The following SYT6 variants were observed in gnomAD, a reference collection of about 807,000 sequenced individuals.
SYT6 encodes the protein synaptotagmin-6.
SYT6 carries 24 observed loss-of-function variants against 38.4 expected under a neutral mutation model. The ratio of observed to expected loss-of-function variants is 0.62; its 90% confidence interval spans 0.45 to 0.88. The LOEUF (loss-of-function observed/expected upper bound fraction) is 0.88. SYT6 is among the 40% of genes least tolerant of loss of function. The pLI, the probability that SYT6 is intolerant of heterozygous loss-of-function variation, is 0.00. For missense variants in SYT6, 611 were observed against 621.0 expected, an observed-to-expected ratio of 0.98 and a Z score of 0.17; for synonymous variants, 265 against 241.9, an observed-to-expected ratio of 1.10 and a Z score of -0.89.
In SYT6 at chr1:114,141,474, G is replaced by A. The variant is rs186846262; in HGVS notation, c.164-1511C>T. Among the ~76,000 whole-genome samples, 36 of 152,326 alleles carry A rather than the reference G, an allele frequency of 2.4e-4. No homozygotes were observed. In the East Asian group the frequency reaches 6.0e-3, roughly 25 times the overall value. ...AAGGAGAGGAAGCTGCAGAAGAAAC[G>A]TTTGAATCTAGCAGAGGTTGGTTCT... On this transcript the variant is annotated intron_variant, in intron 1 of 7. Coordinates refer to ENST00000610222, the MANE Select transcript of SYT6 (RefSeq NM_001253772.2).
intron 3 of SYT6, among the ~76,000 whole-genome samples, chr1:114,105,205 G>A (rs190403478): frequency 2.9e-4 from 44 of 152,300 alleles, no homozygotes; most frequent in African/African-American, 9.9e-4. Context: ...TCTCTAAGGA[G>A]ATAATGACTT....
rs1571846120 is a variant in SYT6 at position 114,113,116 on chromosome 1, G to A, written c.1072-9395C>T. On this transcript the variant is annotated intron_variant, in intron 3 of 7. Coordinates refer to ENST00000610222, the MANE Select transcript of SYT6 (RefSeq NM_001253772.2). ...TCTCTTTGGGGACAGTCACCCTGAA[G>A]ATTAAGATCTTTCCCCACCTCCTGC... is the stretch of plus-strand genomic sequence containing the variant. 3.9e-5 allele frequency among the ~76,000 whole-genome samples: 6 copies of A among 152,296 alleles called. 2 individuals carry two copies. Among genetic ancestry groups the A allele is most frequent in the Admixed American group, 3.9e-4 (6 of 15,308 alleles).
intron 1 of SYT6, among the ~76,000 whole-genome samples, chr1:114,149,222 T>TGTGTGTGTGTGTGTGTGTGTGCGC (rs769842650): frequency 5.1e-5 from 6 of 118,220 alleles, no homozygotes; most frequent in South Asian, 4.6e-4. Context: ...AGAGATTGTG[T>TGTGTGTGTGTGTGTGTGTGTGCGC]GTGTGTGTGT....
chr1:114,113,457 C>T (rs1676808621), intron 3 of SYT6, among the ~76,000 whole-genome samples: 1 of 152,114 alleles, frequency 6.6e-6, no homozygotes, highest in South Asian at 2.1e-4. Flanking sequence ...CTCATATATC[C>T]AAAATGACAT....
intron 3 of SYT6, among the ~76,000 whole-genome samples, chr1:114,106,048 C>T (rs1354488534): frequency 6.6e-6 from 1 of 152,120 alleles, no homozygotes; most frequent in Non-Finnish European, 1.5e-5. Context: ...CTCCCTAGTC[C>T]CCTAGTCAAG....
chr1:114,129,838 GTTT>G (rs397949655), intron 3 of SYT6, among the ~76,000 whole-genome samples: 1 of 106,682 alleles, frequency 9.4e-6, no homozygotes, highest in Non-Finnish European at 1.8e-5. Flanking sequence ...CACCACACCT[GTTT>G]TTTTTTTTTT....
intron 3 of SYT6, among the ~76,000 whole-genome samples, chr1:114,127,790 T>G (rs1490765568): frequency 6.6e-6 from 1 of 152,196 alleles, no homozygotes; most frequent in African/African-American, 2.4e-5. Context: ...GTGAGTAGGA[T>G]GCACTGGACA....
intron 4 of SYT6, 125 bp from the exon 5 acceptor site, chr1:114,099,390 G>T (rs1406202574): frequency 1.3e-5 from 13 of 979,008 alleles, no homozygotes; most frequent in Non-Finnish European, 1.8e-5. Flanking sequence ...TCAGTGGGTT[G>T]TTAAAATAAT....
At position 114,097,782 on chromosome 1, in the gene SYT6, C is replaced by CG. The variant is rs1157804736; in HGVS notation, c.1459dup (p.Arg487ProfsTer49). On this transcript the variant is annotated frameshift_variant, in exon 6 of 8. Coordinates refer to ENST00000610222, the MANE Select transcript of SYT6 (RefSeq NM_001253772.2). LOFTEE classifies it high-confidence loss of function. ...GGAGTGCCAGTGTGCGATGGGCTTC[C>CG]GGGGGTATGCCAGCATCTCGTTCCA... 6.2e-7 allele frequency: 1 copy of CG among 1,614,150 alleles called. No homozygotes were observed. The highest frequency in any genetic ancestry group is 1.7e-5 in the Admixed American group (1 of 60,026).
At position 114,139,717 on chromosome 1, in the gene SYT6, G is replaced by A. The variant is rs1474926870; in HGVS notation, c.410C>T (p.Thr137Met). 21 of 1,614,166 alleles carry A rather than the reference G, an allele frequency of 1.3e-5. No homozygotes were observed. Among genetic ancestry groups the A allele is most frequent in the Non-Finnish European group, 1.6e-5 (19 of 1,180,030 alleles). Residue 137 changes from threonine to methionine, a missense_variant, in exon 2 of 8, where the codon ACG becomes ATG. By Grantham distance (81) the Thr-to-Met change is moderately conservative (BLOSUM62 -1). Transcript: ENST00000610222. Reference sequence around the variant, plus strand: ...CACCTCAGCTGGGATATCTGGGGACGTGTGGCTGATCTTCACGGCCGCCTC... The same window carrying A: ...CACCTCAGCTGGGATATCTGGGGACATGTGGCTGATCTTCACGGCCGCCTC... ...FLEAAVKISH[T>M]SPDIPAEVQM...
At chr1:114,115,693 G>A (rs905487219) in intron 3 of SYT6, among the ~76,000 whole-genome samples, 2 of 152,142 alleles carry the variant, frequency 1.3e-5, no homozygotes, top group Non-Finnish European at 2.9e-5. Flanking sequence ...GGGATTACAG[G>A]CATGAGCCAC....
At chr1:114,096,086 G>A (rs1057068516) in intron 6 of SYT6, among the ~76,000 whole-genome samples, 3 of 151,554 alleles carry the variant, frequency 2.0e-5, no homozygotes, top group African/African-American at 7.3e-5. Flanking sequence ...TCCAAAGGAA[G>A]ATAAGTGGGG....
intron 1 of SYT6, among the ~76,000 whole-genome samples, chr1:114,140,253 G>T (rs1678791171): frequency 1.3e-5 from 2 of 151,892 alleles, no homozygotes; most frequent in South Asian, 4.2e-4. Flanking sequence ...GAGCACCTGG[G>T]CTGTCCTCTC....
chr1:114,147,243 C>T (rs532963836), intron 1 of SYT6, among the ~76,000 whole-genome samples: 145 of 152,314 alleles, frequency 9.5e-4, no homozygotes, highest in Middle Eastern at 3.4e-3. Context: ...CTTGCTGCCT[C>T]CTCAGTTGTT....
intron 4 of SYT6, among the ~76,000 whole-genome samples, chr1:114,102,925 C>T (rs895258568): frequency 8.5e-5 from 13 of 152,184 alleles, no homozygotes; most frequent in African/African-American, 3.1e-4. Flanking sequence ...GGGAAAGACT[C>T]AAACCTCTGA....
intron 3 of SYT6, among the ~76,000 whole-genome samples, chr1:114,127,588 A>T (rs1312276214): frequency 6.6e-6 from 1 of 152,188 alleles, no homozygotes; most frequent in Non-Finnish European, 1.5e-5. Context: ...ACTATAGGAC[A>T]TGAGGTCTGA....
At chr1:114,113,735 A>G (rs1316029092) in intron 3 of SYT6, among the ~76,000 whole-genome samples, 1 of 152,110 alleles carries the variant, frequency 6.6e-6, no homozygotes, top group Non-Finnish European at 1.5e-5. Flanking sequence ...CCCCCCTGCC[A>G]GCATACAGCC....
chr1:114,112,190 G>A (rs566980464), intron 3 of SYT6, among the ~76,000 whole-genome samples: 1 of 152,354 alleles, frequency 6.6e-6, no homozygotes, highest in South Asian at 2.1e-4. Context: ...GCTTCACCCT[G>A]CAGTGTGGAC....
chr1:114,122,417 C>T (rs994823595), intron 3 of SYT6, among the ~76,000 whole-genome samples: 1 of 152,022 alleles, frequency 6.6e-6, no homozygotes, highest in African/African-American at 2.4e-5. Flanking sequence ...GCCAATCAAA[C>T]AAGATGGAAC....
Sources: allele counts gnomAD v4.1 joint callset (sites outside exome capture counted in the v4.1 genomes callset), GRCh38; gene constraint gnomAD v4.1.1; transcripts MANE v1.5; gene names NCBI Gene and HGNC (gene_info 2026-07-23, HGNC 2026-07-21).